Variants in DENND2A observed in about 807,000 individuals in gnomAD.
DENND2A encodes DENN domain containing 2A.
A neutral mutation model predicts 105.3 loss-of-function variants in DENND2A; 53 were observed. The ratio of observed to expected loss-of-function variants is 0.50; its 90% CI spans 0.40 to 0.63. The LOEUF (loss-of-function observed/expected upper bound fraction) is 0.63, where lower values mean the gene tolerates loss of function less well. Among genes scored for constraint, DENND2A ranks in the 30% least tolerant of loss-of-function variants. The pLI is 0.00. For missense variants in DENND2A, 1,138 were observed against 1,279.6 expected (o/e 0.89, Z 1.69); for synonymous variants, 522 against 508.4 (o/e 1.03, Z -0.36).
intron 18 of DENND2A, among the ~76,000 whole-genome samples, chr7:140,520,458 G>A (rs1434546640): frequency 6.6e-6 from 1 of 152,038 alleles, no homozygotes; most frequent in African/African-American, 2.4e-5. Flanking sequence ...GAGGATGGCT[G>A]GATAGGCCAT....
In DENND2A at chr7:140,569,632, G is replaced by T. The variant is rs762546035; in HGVS notation, c.1540+13C>A. The T allele has an allele frequency of 6.4e-7, 1 of 1,573,330 alleles. No homozygotes were observed. Among genetic ancestry groups the T allele is most frequent in the Non-Finnish European group, 8.8e-7 (1 of 1,142,754 alleles). On this transcript the variant is annotated intron_variant, in intron 7 of 19. Coordinates refer to ENST00000496613, the MANE Select transcript of DENND2A (RefSeq NM_015689.5). Reference sequence around the variant, plus strand: ...GATTCTTGCGGGAGGAGGGCTGGTGGTGGGGGTTCTACCTTTTCCTGAGTT... The same window carrying T: ...GATTCTTGCGGGAGGAGGGCTGGTGTTGGGGGTTCTACCTTTTCCTGAGTT...
At chr7:140,617,836 T>C (rs1007665725) in intron 1 of DENND2A, among the ~76,000 whole-genome samples, 8 of 152,312 alleles carry the variant, frequency 5.3e-5, no homozygotes, top group Non-Finnish European at 1.5e-5. Context: ...GACCACACTG[T>C]GTGACGTGCC....
intron 9 of DENND2A, among the ~76,000 whole-genome samples, chr7:140,566,755 T>C (rs1797855022): frequency 1.4e-5 from 2 of 146,314 alleles, no homozygotes; most frequent in Admixed American, 1.4e-4. Context: ...GGCGTGATCT[T>C]GGCTCACTGC....
intron 3 of DENND2A, among the ~76,000 whole-genome samples, chr7:140,594,008 C>T (rs535896556): frequency 1.1e-4 from 17 of 151,824 alleles, no homozygotes; most frequent in Middle Eastern, 3.4e-3. Flanking sequence ...TGGATTCAGG[C>T]GATTCTCCTG....
At chr7:140,567,311 AGAG>A (rs1263687252) in intron 8 of DENND2A, 38 bp from the exon 9 acceptor site, 11 of 1,306,810 alleles carry the variant, frequency 8.4e-6, no homozygotes, top group Non-Finnish European at 1.0e-5. Context: ...AGAAAGAGAG[AGAG>A]AGAGAGAGAG....
rs1367883348 is a variant in DENND2A, at chr7:140,537,509, T to A, written c.2327+7109A>T. On this transcript the variant is annotated intron_variant, in intron 14 of 19. Coordinates refer to ENST00000496613, the MANE Select transcript of DENND2A (RefSeq NM_015689.5). Reference sequence around the variant, plus strand: ...CCCCAGCTGGAGAGCAGTGGTGCAGTCATAGCTCACTAGCCTCAAACTCCT... The same window carrying A: ...CCCCAGCTGGAGAGCAGTGGTGCAGACATAGCTCACTAGCCTCAAACTCCT... 2.6e-5 allele frequency among the ~76,000 whole-genome samples: 4 copies of A among 152,222 alleles called. No homozygotes were observed. The South Asian group carries it at 8.3e-4, about 32-fold the overall frequency.
chr7:140,591,231 A>G (rs1485066331), intron 3 of DENND2A, among the ~76,000 whole-genome samples: 1 of 152,170 alleles, frequency 6.6e-6, no homozygotes, highest in Non-Finnish European at 1.5e-5. Context: ...AGGGAGTCGG[A>G]GGATGCAGTG....
rs563807268 is a variant in DENND2A, at chr7:140,539,679, T to A, written c.2327+4939A>T. On this transcript the variant is annotated intron_variant, in intron 14 of 19. Transcript: ENST00000496613. The stretch of plus-strand genomic sequence containing the variant: ...CCATGTGACAGGGCCGTAGGGGGCA[T>A]GAAATGACGCAGGTCAGACCCTCAG... Among the ~76,000 whole-genome samples, 117 of 152,306 alleles carry A rather than the reference T, an allele frequency of 7.7e-4. No individual in the cohort carries two copies. In the South Asian group the frequency reaches 0.023, roughly 30 times the overall value.
intron 3 of DENND2A, among the ~76,000 whole-genome samples, chr7:140,588,981 G>T (rs1433629769): frequency 2.0e-5 from 3 of 152,076 alleles, no homozygotes; most frequent in Non-Finnish European, 2.9e-5. Context: ...GACCCCAGGT[G>T]ATCTGCCTGC....
rs1800194963 is a variant in DENND2A at position 140,619,305 on chromosome 7, ATTATGT to A, written c.-247-13505_-247-13500del. 2.0e-5 allele frequency among the ~76,000 whole-genome samples: 3 copies of A among 152,104 alleles called. No individual in the cohort carries two copies. In the East Asian group the frequency reaches 5.8e-4, roughly 29 times the overall value. ...AATGGAATATTATAATGTAAATTAAATTATGTTTAAGAAGACTACGATTCTATAGAG... is the reference window on the plus strand; with the variant it reads ...AATGGAATATTATAATGTAAATTAAATTAAGAAGACTACGATTCTATAGAG... On this transcript the variant is annotated intron_variant, in intron 1 of 19. Transcript: ENST00000496613.
intron 1 of DENND2A, among the ~76,000 whole-genome samples, 193 bp from the exon 2 acceptor site, chr7:140,605,999 C>T (rs999615150): frequency 2.6e-5 from 4 of 152,070 alleles, no homozygotes; most frequent in Non-Finnish European, 5.9e-5. Flanking sequence ...GATGTCCGCC[C>T]GGATTCAGAA....
chr7:140,582,833 CT>C (rs1798598976), intron 5 of DENND2A, among the ~76,000 whole-genome samples: 1 of 152,198 alleles, frequency 6.6e-6, no homozygotes, highest in Non-Finnish European at 1.5e-5. Flanking sequence ...GGTACTTGGC[CT>C]TCCTTAATTT....
intron 14 of DENND2A, among the ~76,000 whole-genome samples, chr7:140,535,835 G>A (rs1796435839): frequency 6.6e-6 from 1 of 152,046 alleles, no homozygotes; most frequent in Non-Finnish European, 1.5e-5. Context: ...ACCTGCCTCG[G>A]CCTCCCAAAG....
Position 140,587,665 on chromosome 7 carries a change from C to T in DENND2A, c.1111G>A (p.Glu371Lys). ...TRTLSEENVY[E>K]DILDPPMKEN... ...TGTGGCTTCTTACCTAGAATGTCTT[C>T]ATAGACGTTCTCCTCCGATAAAGTG... Residue 371 changes from glutamate (E) to lysine (K), a missense_variant, in exon 4 of 20, where the codon GAA becomes AAA. Around this residue, in one of 2 missense-constraint regions of DENND2A, gnomAD observed 511 missense variants for 499.9 expected, o/e 1.02. Transcript: ENST00000496613. The T allele has an allele frequency of 1.2e-6, 2 of 1,613,978 alleles. No individual in the cohort carries two copies. The highest frequency in any genetic ancestry group is 1.7e-6 in the Non-Finnish European group (2 of 1,179,984).
At chr7:140,636,409 G>A (rs548844328) in intron 1 of DENND2A, among the ~76,000 whole-genome samples, 13 of 152,180 alleles carry the variant, frequency 8.5e-5, no homozygotes, top group African/African-American at 1.7e-4. Context: ...GAGAAGCAGC[G>A]ATACAGGAGT....
At chr7:140,589,141 C>G (rs767121854) in intron 3 of DENND2A, among the ~76,000 whole-genome samples, 2 of 152,084 alleles carry the variant, frequency 1.3e-5, no homozygotes, top group Non-Finnish European at 2.9e-5. Flanking sequence ...AGGGTCTGAC[C>G]GCAGGAAGTC....
chr7:140,573,894 G>C lies in DENND2A; in HGVS notation c.1360C>G (p.Pro454Ala), dbSNP rs972883193. 1 of 1,614,100 alleles carries C rather than the reference G, an allele frequency of 6.2e-7. No homozygotes were observed. The highest frequency in any genetic ancestry group is 1.1e-5 in the South Asian group (1 of 91,060). The change falls in exon 6 of 20, where the codon CCT becomes GCT. Residue 454 changes from proline to alanine, a missense_variant. This residue lies in a region of DENND2A where 627 missense variants were observed against 779.8 expected (regional missense o/e 0.80). Coordinates refer to ENST00000496613, the MANE Select transcript of DENND2A (RefSeq NM_015689.5). The part of the protein sequence containing the change: ...DGTGSPSKIS[P>A]PSTPSSPDDI... ...TCAGGGCTGCTGGGAGTGGAGGGAGGGCTGATTTTGGAAGGGGACCCAGTT... is the reference window on the plus strand; with the variant it reads ...TCAGGGCTGCTGGGAGTGGAGGGAGCGCTGATTTTGGAAGGGGACCCAGTT...
At chr7:140,612,932 T>A (rs558614816) in intron 1 of DENND2A, among the ~76,000 whole-genome samples, 8 of 151,678 alleles carry the variant, frequency 5.3e-5, no homozygotes, top group African/African-American at 1.7e-4. Flanking sequence ...CTTACTAACA[T>A]GGAGAAACGC....
At chr7:140,616,318 C>T (rs1221364279) in intron 1 of DENND2A, among the ~76,000 whole-genome samples, 1 of 152,098 alleles carries the variant, frequency 6.6e-6, no homozygotes, top group Non-Finnish European at 1.5e-5. Context: ...GCTGAGATCA[C>T]ACCACTGTAC....
Sources: gnomAD v4.1 joint callset for allele counts (sites outside exome capture counted in the v4.1 genomes callset) on GRCh38, gnomAD v4.1.1 for gene constraint, gnomAD v4.1.1 regional missense constraint, MANE v1.5 for transcripts, NCBI Gene and HGNC (gene_info 2026-07-23, HGNC 2026-07-21) for gene names.